The following CIMIP6 variants were observed in gnomAD, a reference collection of about 807,000 sequenced individuals.
The protein encoded by CIMIP6 is ciliary microtubule inner protein 6.
At chr2:54,332,766 T>C in the CIMIP6 span, among the ~76,000 whole-genome samples, 25 of 152,318 alleles carry the variant, frequency 1.6e-4, no homozygotes, top group Non-Finnish European at 3.1e-4. Flanking sequence ...TGTTGGGTGA[T>C]AACTATGAGA....
At chr2:54,379,702 C>T in the CIMIP6 span, among the ~76,000 whole-genome samples, 1,137 of 151,902 alleles carry the variant, frequency 7.5e-3, 25 homozygotes, top group African/African-American at 0.026. Flanking sequence ...GTTGGCCAGG[C>T]ATGGTGACTC....
chr2:54,361,185 T>C, the CIMIP6 span: 1 of 152,318 alleles, frequency 6.6e-6, no homozygotes, highest in Admixed American at 6.5e-5. Flanking sequence ...AGTGTGAAAA[T>C]CTAAAAATAC....
At chr2:54,360,493 A>G in the CIMIP6 span, 5 of 1,571,368 alleles carry the variant, frequency 3.2e-6, no homozygotes, top group Non-Finnish European at 4.3e-6. Flanking sequence ...GCGCCACTCA[A>G]ACAACTGTAG....
chr2:54,333,078 T>TA, the CIMIP6 span, among the ~76,000 whole-genome samples: 14 of 152,316 alleles, frequency 9.2e-5, no homozygotes, highest in Non-Finnish European at 1.8e-4. Flanking sequence ...GTAAATGTTA[T>TA]AATGGCAGTC....
the CIMIP6 span, among the ~76,000 whole-genome samples, chr2:54,347,092 A>G: frequency 6.6e-6 from 1 of 152,222 alleles, no homozygotes; most frequent in East Asian, 1.9e-4. Context: ...TTTTAATTAT[A>G]TATTCTTGTA....
chr2:54,349,198 AT>A, the CIMIP6 span, among the ~76,000 whole-genome samples: 1 of 152,130 alleles, frequency 6.6e-6, no homozygotes, highest in African/African-American at 2.4e-5. Context: ...TGTAACAACA[AT>A]TTTTTGCTAC....
the CIMIP6 span, among the ~76,000 whole-genome samples, chr2:54,369,984 G>A: frequency 6.6e-6 from 1 of 152,308 alleles, no homozygotes; most frequent in South Asian, 2.1e-4. Context: ...TCAGCCAGGT[G>A]TAGTGGCTCA....
At chr2:54,357,603 G>A in the CIMIP6 span, among the ~76,000 whole-genome samples, 1 of 140,958 alleles carries the variant, frequency 7.1e-6, no homozygotes, top group African/African-American at 2.7e-5. Context: ...TTGAGACACA[G>A]TCTTGCTCTG....
At chr2:54,365,102 C>T in the CIMIP6 span, among the ~76,000 whole-genome samples, 1 of 152,110 alleles carries the variant, frequency 6.6e-6, no homozygotes, top group African/African-American at 2.4e-5. Flanking sequence ...CCTAGAAGAG[C>T]TTTGCTGCTG....
the CIMIP6 span, among the ~76,000 whole-genome samples, chr2:54,344,555 C>T: frequency 2.0e-5 from 3 of 152,086 alleles, no homozygotes; most frequent in East Asian, 1.9e-4. Context: ...AAATGAAAAG[C>T]GGGTAGGAGA....
chr2:54,351,663 TGGG>T, the CIMIP6 span, among the ~76,000 whole-genome samples: 1 of 152,080 alleles, frequency 6.6e-6, no homozygotes, highest in South Asian at 2.1e-4. Context: ...AAATAACTAA[TGGG>T]TACTAGGCTT....
the CIMIP6 span, among the ~76,000 whole-genome samples, chr2:54,331,274 T>G: frequency 6.6e-6 from 1 of 152,072 alleles, no homozygotes; most frequent in South Asian, 2.1e-4. Context: ...GATTCTGTAG[T>G]CTTTACCTTT....
the CIMIP6 span, among the ~76,000 whole-genome samples, chr2:54,374,813 C>T: frequency 6.6e-6 from 1 of 152,200 alleles, no homozygotes; most frequent in Non-Finnish European, 1.5e-5. Context: ...TCAAGGCCCC[C>T]TTTCAGTTTT....
the CIMIP6 span, among the ~76,000 whole-genome samples, chr2:54,334,435 C>T: frequency 1.3e-5 from 2 of 152,108 alleles, no homozygotes; most frequent in Non-Finnish European, 2.9e-5. Context: ...AGAATAAAGC[C>T]ATTCTCTTGG....
chr2:54,347,517 C>T, the CIMIP6 span, among the ~76,000 whole-genome samples: 17 of 152,170 alleles, frequency 1.1e-4, no homozygotes, highest in African/African-American at 3.9e-4. Flanking sequence ...CAGTCCCTTC[C>T]ACATAACGAG....
chr2:54,358,923 AT>A, the CIMIP6 span: 2 of 1,082,562 alleles, frequency 1.8e-6, no homozygotes, highest in Non-Finnish European at 2.7e-6. Context: ...AACAAATCTA[AT>A]TTTTTGTCCT....
At chr2:54,372,012 GACA>G in the CIMIP6 span, among the ~76,000 whole-genome samples, 3 of 152,308 alleles carry the variant, frequency 2.0e-5, no homozygotes. Flanking sequence ...GTGGTGCTCT[GACA>G]ACAATAGCTG....
the CIMIP6 span, among the ~76,000 whole-genome samples, chr2:54,342,953 C>G: frequency 6.6e-6 from 1 of 152,150 alleles, no homozygotes; most frequent in Non-Finnish European, 1.5e-5. Context: ...CCTCTCTACT[C>G]TCTCAACTTC....
At chr2:54,363,882 T>C in the CIMIP6 span, among the ~76,000 whole-genome samples, 1 of 152,194 alleles carries the variant, frequency 6.6e-6, no homozygotes, top group Non-Finnish European at 1.5e-5. Context: ...GACTGACAAA[T>C]GTCACTGAGG....
Sources: allele counts gnomAD v4.1 joint callset (sites outside exome capture counted in the v4.1 genomes callset), GRCh38; gene constraint gnomAD v4.1.1; transcripts MANE v1.5; gene names NCBI Gene and HGNC (gene_info 2026-07-23, HGNC 2026-07-21).